Variants in ANO3 observed in about 807,000 individuals in gnomAD.
ANO3 encodes anoctamin 3.
In ANO3, 99 loss-of-function variants were observed where a neutral mutation model predicts 144.8. That is an observed-to-expected ratio of 0.68 (90% CI 0.58 to 0.81). The LOEUF is 0.81. Among genes scored for constraint, ANO3 ranks in the 30% least tolerant of loss-of-function variants. ANO3 has a pLI of 0.00. For synonymous variants in ANO3, 414 were observed against 392.6 expected (o/e 1.05, Z -0.64); for missense variants, 905 against 1,202.2 (o/e 0.75, Z 3.66).
At chr11:26,376,359 T>C (rs1856406662) in intron 1 of ANO3, among the ~76,000 whole-genome samples, 1 of 152,146 alleles carries the variant, frequency 6.6e-6, no homozygotes, top group African/African-American at 2.4e-5. Context: ...GGGAAAATAC[T>C]CACATCACAG....
At chr11:26,563,183 C>A (rs1274503641) in intron 14 of ANO3, 1 of 1,612,442 alleles carries the variant, frequency 6.2e-7, no homozygotes, top group East Asian at 2.2e-5. Context: ...TTCCACACAA[C>A]AAGTAGCCCA....
At chr11:26,288,433 A>T (rs1026784770) in intron 1 of ANO3, among the ~76,000 whole-genome samples, 6 of 152,174 alleles carry the variant, frequency 3.9e-5, no homozygotes, top group African/African-American at 1.4e-4. Flanking sequence ...AACATATAGG[A>T]CAAATTATAA....
intron 1 of ANO3, among the ~76,000 whole-genome samples, chr11:26,288,257 T>C (rs1020757806): frequency 3.3e-5 from 5 of 152,174 alleles, no homozygotes; most frequent in African/African-American, 1.2e-4. Flanking sequence ...CAGCCTGCTT[T>C]TAATTACTTG....
chr11:26,519,110 T>C (rs1861969353), intron 6 of ANO3, among the ~76,000 whole-genome samples: 2 of 152,210 alleles, frequency 1.3e-5, no homozygotes, highest in South Asian at 2.1e-4. Flanking sequence ...TTCATCATTG[T>C]TTCTAAGCAT....
chr11:26,537,009 T>G (rs375071413), intron 9 of ANO3, among the ~76,000 whole-genome samples: 5 of 148,418 alleles, frequency 3.4e-5, no homozygotes, highest in African/African-American at 1.2e-4. Context: ...CCTTTAAATT[T>G]TTTTTTTTTT....
chr11:26,569,266 G>A (rs1355180231), intron 14 of ANO3, among the ~76,000 whole-genome samples: 1 of 152,116 alleles, frequency 6.6e-6, no homozygotes, highest in Non-Finnish European at 1.5e-5. Flanking sequence ...CTCTGTTACT[G>A]CCTATAATTT....
upstream of ANO3, chr11:26,309,519 T>C (rs1406554189): frequency 3.6e-6 from 1 of 277,204 alleles, no homozygotes; most frequent in East Asian, 1.8e-4. Context: ...CTATATCAGA[T>C]AGTAGTTATA....
intron 5 of ANO3, among the ~76,000 whole-genome samples, chr11:26,516,016 T>G (rs1861849458): frequency 6.6e-6 from 1 of 151,890 alleles, no homozygotes; most frequent in Admixed American, 6.6e-5. Context: ...AGTCAGTTGT[T>G]TATTTACTTA....
intron 7 of ANO3, among the ~76,000 whole-genome samples, chr11:26,525,930 T>A (rs151004915): frequency 2.1e-3 from 318 of 148,374 alleles, no homozygotes; most frequent in African/African-American, 7.4e-3. Context: ...AGGACTTTAA[T>A]CGCAAGTTCA....
In ANO3 at chr11:26,424,125, C is replaced by T. The variant is rs562619193; in HGVS notation, c.47-17793C>T. Among the ~76,000 whole-genome samples, 23 of 151,914 alleles carry T rather than the reference C, an allele frequency of 1.5e-4. No individual in the cohort carries two copies. In the South Asian group the frequency reaches 4.6e-3, roughly 30 times the overall value. Reference sequence around the variant, plus strand: ...TATTTATCTCCAACTCGGATTGCAGCAATAACTACCTCTTTCTCTCACTTA... The same window carrying T: ...TATTTATCTCCAACTCGGATTGCAGTAATAACTACCTCTTTCTCTCACTTA... On this transcript the variant is annotated intron_variant, in intron 1 of 26. Coordinates refer to ENST00000256737, the MANE Select transcript of ANO3 (RefSeq NM_031418.4).
chr11:26,403,424 T>C (rs72884563), intron 1 of ANO3, among the ~76,000 whole-genome samples: 8,361 of 151,962 alleles, frequency 0.055, 274 homozygotes, highest in African/African-American at 0.089. Flanking sequence ...AAATAAAATG[T>C]GTGGCAAAAT....
At chr11:26,551,288 A>C (rs1164717951) in intron 12 of ANO3, among the ~76,000 whole-genome samples, 1 of 152,024 alleles carries the variant, frequency 6.6e-6, no homozygotes. Flanking sequence ...TTTAGCAATA[A>C]ATACAAAACA....
intron 1 of ANO3, among the ~76,000 whole-genome samples, chr11:26,245,018 T>TGTGTGTGCGCGCGTGC (rs151031559): frequency 6.9e-6 from 1 of 145,324 alleles, no homozygotes; most frequent in Admixed American, 6.9e-5. Context: ...TGTGTGTGTG[T>TGTGTGTGCGCGCGTGC]GTGCATGCAT....
chr11:26,307,537 A>G (rs888579922), upstream of ANO3, among the ~76,000 whole-genome samples: 10 of 151,790 alleles, frequency 6.6e-5, no homozygotes, highest in Admixed American at 3.3e-4. Context: ...GTCTCTACTA[A>G]AAATTTAAAT....
intron 1 of ANO3, among the ~76,000 whole-genome samples, chr11:26,394,342 T>G (rs1856951242): frequency 6.6e-6 from 1 of 152,076 alleles, no homozygotes; most frequent in African/African-American, 2.4e-5. Context: ...TTATTATAGT[T>G]ATTAATATGT....
chr11:26,394,611 C>A, intron 1 of ANO3, among the ~76,000 whole-genome samples: 1 of 113,424 alleles, frequency 8.8e-6, no homozygotes, highest in African/African-American at 3.3e-5. Flanking sequence ...GAGTTTCACT[C>A]TTTTTGCCCA....
chr11:26,323,405 T>A (rs1380455531), intron 1 of ANO3, among the ~76,000 whole-genome samples: 3 of 152,150 alleles, frequency 2.0e-5, no homozygotes, highest in African/African-American at 7.2e-5. Context: ...ACTGGAATCC[T>A]TTGGATGGAT....
intron 11 of ANO3, among the ~76,000 whole-genome samples, 166 bp from the exon 12 acceptor site, chr11:26,547,250 T>C (rs1224318509): frequency 1.3e-5 from 2 of 151,790 alleles, no homozygotes; most frequent in Non-Finnish European, 2.9e-5. Flanking sequence ...ATTACCATCA[T>C]TGGATTAATT....
chr11:26,566,072 C>A (rs1850570426), intron 14 of ANO3, among the ~76,000 whole-genome samples: 1 of 151,834 alleles, frequency 6.6e-6, no homozygotes, highest in African/African-American at 2.4e-5. Flanking sequence ...CCATTGAGTA[C>A]TGCTTTCCAC....
Sources: gnomAD v4.1 joint callset for allele counts (sites outside exome capture counted in the v4.1 genomes callset) on GRCh38, gnomAD v4.1.1 for gene constraint, MANE v1.5 for transcripts, NCBI Gene and HGNC (gene_info 2026-07-23, HGNC 2026-07-21) for gene names.